Variants in TMPRSS9 observed in about 807,000 individuals in gnomAD.
TMPRSS9 encodes the protein transmembrane serine protease 9.
TMPRSS9 carries 113 observed loss-of-function variants against 111.4 expected under a neutral mutation model. The observed-to-expected ratio is 1.01, with a 90% confidence interval of 0.87 to 1.19. The LOEUF (loss-of-function observed/expected upper bound fraction) is 1.19. TMPRSS9 is among the 50% of genes most tolerant of loss of function. TMPRSS9 has a pLI of 0.00. For synonymous variants in TMPRSS9, 805 were observed against 659.1 expected (o/e 1.22, Z -3.39); for missense variants, 1,803 against 1,513.1 (o/e 1.19, Z -3.18).
At chr19:2,395,653 T>A (rs1428596724) in intron 1 of TMPRSS9, among the ~76,000 whole-genome samples, 1 of 151,658 alleles carries the variant, frequency 6.6e-6, no homozygotes, top group Non-Finnish European at 1.5e-5. Context: ...AGGCGGAGGT[T>A]ACAGTGAGGC....
At position 2,384,715 on chromosome 19, in the gene TMPRSS9, G is replaced by A. The variant is rs1970438261; in HGVS notation, c.-25-5046G>A. ...CTGTAGTCCAAGCTACTCAGGAGGC[G>A]GAGTCAGGAGAATGGTGTGAACCTG... On this transcript the variant is annotated intron_variant, in intron 1 of 17. Transcript: ENST00000649857. Among the ~76,000 whole-genome samples, 3 of 151,688 alleles carry A rather than the reference G, an allele frequency of 2.0e-5. No individual in the cohort carries two copies. The South Asian group carries it at 6.2e-4, about 32-fold the overall frequency.
intron 6 of TMPRSS9, 45 bp from the exon 8 acceptor site, chr19:2,405,329 G>A (rs1402045855): frequency 1.3e-6 from 2 of 1,543,732 alleles, no homozygotes; most frequent in Admixed American, 2.2e-5. Flanking sequence ...TCAGGGTGAG[G>A]TCCTGCCTTC....
chr19:2,363,509 G>T (rs770124361), intron 1 of TMPRSS9, among the ~76,000 whole-genome samples: 1 of 151,758 alleles, frequency 6.6e-6, no homozygotes, highest in African/African-American at 2.4e-5. Flanking sequence ...GAGCAGTTGT[G>T]GGGGGGTGGG....
chr19:2,363,112 G>A (rs759326825), intron 1 of TMPRSS9, among the ~76,000 whole-genome samples: 5 of 152,218 alleles, frequency 3.3e-5, no homozygotes, highest in Non-Finnish European at 7.3e-5. Flanking sequence ...ATGGGAGTCC[G>A]TGTGTGCCCC....
intron 1 of TMPRSS9, among the ~76,000 whole-genome samples, chr19:2,383,980 A>G (rs763220596): frequency 6.6e-6 from 1 of 152,048 alleles, no homozygotes; most frequent in Non-Finnish European, 1.5e-5. Context: ...CTGAAACTCA[A>G]GCTCCATGCG....
upstream of TMPRSS9, among the ~76,000 whole-genome samples, chr19:2,385,778 G>A (rs1488658569): frequency 2.0e-5 from 3 of 152,198 alleles, no homozygotes; most frequent in Middle Eastern, 6.8e-3. Context: ...TTGAGCCTGC[G>A]AGGTAGAGGC....
At chr19:2,401,876 G>A (rs1970856086) in intron 4 of TMPRSS9, 99 bp from the exon 6 acceptor site, 3 of 947,732 alleles carry the variant, frequency 3.2e-6, no homozygotes, top group Non-Finnish European at 4.6e-6. Context: ...CCAAAGTGCT[G>A]GGATTACAGG....
intron 1 of TMPRSS9, among the ~76,000 whole-genome samples, chr19:2,361,121 G>T (rs1224206348): frequency 7.4e-6 from 1 of 134,568 alleles, no homozygotes; most frequent in Non-Finnish European, 1.6e-5. Flanking sequence ...GAAAGGGGCT[G>T]ACAGCTACTG....
chr19:2,413,894 C>A, exon 10 of TMPRSS9: 1 of 1,613,218 alleles, frequency 6.2e-7, no homozygotes, highest in Non-Finnish European at 8.5e-7. Context: ...TGGCTCCTGC[C>A]CCTGCCGCCC....
chr19:2,419,537 G>C (rs1180591404), intron 13 of TMPRSS9, among the ~76,000 whole-genome samples: 8 of 146,112 alleles, frequency 5.5e-5, no homozygotes, highest in Admixed American at 5.5e-4. Context: ...TTTTTTTTGA[G>C]ATGGAGTCTT....
chr19:2,426,221 G>GT (rs1326036181), exon 18 of TMPRSS9: 1 of 1,190,574 alleles, frequency 8.4e-7, no homozygotes, highest in Non-Finnish European at 1.2e-6. Flanking sequence ...ATGCATTTTG[G>GT]TACCACCCTT....
chr19:2,398,186 C>G (rs1970749166), intron 2 of TMPRSS9, among the ~76,000 whole-genome samples: 1 of 151,104 alleles, frequency 6.6e-6, no homozygotes, highest in Non-Finnish European at 1.5e-5. Context: ...ATCCCAGCTA[C>G]TTGGGAGGCT....
chr19:2,368,910 G>C (rs1232760094), intron 1 of TMPRSS9, among the ~76,000 whole-genome samples: 3 of 148,938 alleles, frequency 2.0e-5, no homozygotes, highest in East Asian at 2.0e-4. Context: ...TCAGCCTCCT[G>C]AGTAGCTGGG....
chr19:2,405,174 G>A (rs1970942260), intron 6 of TMPRSS9, among the ~76,000 whole-genome samples, 200 bp from the exon 8 acceptor site: 1 of 152,030 alleles, frequency 6.6e-6, no homozygotes, highest in South Asian at 2.1e-4. Context: ...CTTGACCTAC[G>A]TGCCAGGATG....
intron 1 of TMPRSS9, among the ~76,000 whole-genome samples, chr19:2,383,351 C>CAA (rs529968946): frequency 1.0e-4 from 14 of 138,362 alleles, no homozygotes; most frequent in African/African-American, 2.1e-4. Context: ...TAGATTCCGT[C>CAA]AAAAAAAAAA....
chr19:2,421,246 A>C (rs1052362880), intron 13 of TMPRSS9, among the ~76,000 whole-genome samples: 1 of 151,962 alleles, frequency 6.6e-6, no homozygotes, highest in Non-Finnish European at 1.5e-5. Flanking sequence ...GTCAGGGGCT[A>C]CTTCTAGATG....
At chr19:2,419,331 G>A (rs1405962475) in intron 13 of TMPRSS9, among the ~76,000 whole-genome samples, 1 of 149,684 alleles carries the variant, frequency 6.7e-6, no homozygotes, top group Non-Finnish European at 1.5e-5. Flanking sequence ...AGCCTCCCGA[G>A]TAGCTGGGAT....
intron 15 of TMPRSS9, among the ~76,000 whole-genome samples, chr19:2,424,760 C>T (rs1230198127): frequency 2.0e-5 from 3 of 152,132 alleles, no homozygotes; most frequent in Admixed American, 6.5e-5. Context: ...AGGCGGGGGG[C>T]GGGACTCGCA....
chr19:2,379,379 G>T (rs970421788), intron 1 of TMPRSS9, among the ~76,000 whole-genome samples: 1 of 151,770 alleles, frequency 6.6e-6, no homozygotes, highest in Non-Finnish European at 1.5e-5. Context: ...TAGAGATGGG[G>T]TTTCACTGTG....
Sources: gnomAD v4.1 joint callset for allele counts (sites outside exome capture counted in the v4.1 genomes callset) on GRCh38, gnomAD v4.1.1 for gene constraint, MANE v1.5 for transcripts, NCBI Gene and HGNC (gene_info 2026-07-23, HGNC 2026-07-21) for gene names.